PCM1: variants seen among roughly 807,000 people sequenced by gnomAD.
The protein encoded by PCM1 is pericentriolar material 1, also known as pericentriolar material 1 protein.
In PCM1, 157 loss-of-function variants were observed where a neutral mutation model predicts 241.9. That is an observed-to-expected ratio of 0.65 (90% CI 0.57 to 0.74). The LOEUF is 0.74. Among genes scored for constraint, PCM1 ranks in the 30% least tolerant of loss-of-function variants. The pLI is 0.00. For synonymous variants in PCM1, 1,085 were observed against 784.9 expected (o/e 1.38, Z -6.39); for missense variants, 3,478 against 2,360.1 (o/e 1.47, Z -9.81).
At chr8:17,926,793 G>C (rs1383295429) in intron 2 of PCM1, 2 of 152,230 alleles carry the variant, frequency 1.3e-5, no homozygotes, top group Admixed American at 6.5e-5. Context: ...GGAAGGCTAA[G>C]AGCAGTTTCA....
chr8:17,969,148 A>G (rs1005302787), intron 21 of PCM1, among the ~76,000 whole-genome samples: 1 of 152,192 alleles, frequency 6.6e-6, no homozygotes, highest in Admixed American at 6.5e-5. Flanking sequence ...CGTAGGAGTC[A>G]TACAGACCTG....
chr8:17,932,958 T>A (rs2059453796), intron 2 of PCM1, among the ~76,000 whole-genome samples: 1 of 152,212 alleles, frequency 6.6e-6, no homozygotes, highest in South Asian at 2.1e-4. Flanking sequence ...TGGTACTGGA[T>A]ATGTACCATC....
chr8:18,005,052 G>T (rs897866483), intron 29 of PCM1, among the ~76,000 whole-genome samples: 1 of 152,108 alleles, frequency 6.6e-6, no homozygotes, highest in Admixed American at 6.6e-5. Flanking sequence ...GTCTATCCAA[G>T]AGGTAAAATA....
chr8:17,972,216 C>G, intron 22 of PCM1, 113 bp from the exon 23 acceptor site: 1 of 525,404 alleles, frequency 1.9e-6, no homozygotes, highest in Non-Finnish European at 3.2e-6. Context: ...TTTTTATAGC[C>G]TGTTGACAAT....
At chr8:17,981,037 G>T (rs1262354269) in intron 24 of PCM1, among the ~76,000 whole-genome samples, 3 of 152,164 alleles carry the variant, frequency 2.0e-5, no homozygotes, top group Admixed American at 6.5e-5. Flanking sequence ...ATCTGATTAA[G>T]AATTAGATAT....
At chr8:17,932,803 G>A (rs1274132742) in intron 2 of PCM1, among the ~76,000 whole-genome samples, 1 of 152,012 alleles carries the variant, frequency 6.6e-6, no homozygotes, top group Non-Finnish European at 1.5e-5. Flanking sequence ...CTTAATTGAT[G>A]TTTAAAATTC....
rs751923330 is a variant in PCM1 at position 18,006,369 on chromosome 8, T to C, written c.4934T>C (p.Phe1645Ser). The part of the protein sequence containing the change: ...NDESKEFVKF[F>S]HKQLGSILQD... ...GAGAGCAAAGAGTTTGTAAAGTTCTTTCATAAACAACTTGGAAGTATATTA... is the reference window on the plus strand; with the variant it reads ...GAGAGCAAAGAGTTTGTAAAGTTCTCTCATAAACAACTTGGAAGTATATTA... The change falls in exon 30 of 39, where the codon TTT (phenylalanine) becomes TCT (serine). Residue 1645 changes from phenylalanine (F) to serine (S), a missense_variant. Physicochemically the swap from Phe to Ser is radical, Grantham distance 155 (BLOSUM62 -2). Transcript: ENST00000325083. 1 of 1,612,700 alleles carries C rather than the reference T, an allele frequency of 6.2e-7. No homozygotes were observed. Among genetic ancestry groups the C allele is most frequent in the South Asian group, 1.1e-5 (1 of 91,048 alleles).
chr8:17,986,074 C>T lies in PCM1; in HGVS notation c.4397C>T (p.Ala1466Val). ...GAACTTACTCCTAGTGAGAGCCTTG[C>T]TACTACTGATGATGTAAGCTGATAA... ...NSELTPSESLATTDDETFEKN... is the reference protein window; with the variant it reads ...NSELTPSESLVTTDDETFEKN... Residue 1466 changes from alanine (A) to valine (V), a missense_variant, in exon 26 of 39, where the codon GCT becomes GTT. By Grantham distance (64) the Ala-to-Val change is moderately conservative. Coordinates refer to ENST00000325083, the MANE Select transcript of PCM1 (RefSeq NM_006197.4). 3.8e-6 allele frequency: 6 copies of T among 1,580,982 alleles called. No individual in the cohort carries two copies. Among genetic ancestry groups the T allele is most frequent in the Non-Finnish European group, 5.2e-6 (6 of 1,163,852 alleles).
At chr8:17,949,234 A>G (rs1326553393) in intron 7 of PCM1, among the ~76,000 whole-genome samples, 3 of 152,148 alleles carry the variant, frequency 2.0e-5, no homozygotes, top group African/African-American at 7.2e-5. Flanking sequence ...TGCTAATGAA[A>G]AGCCATGGAA....
intron 28 of PCM1, 68 bp downstream of exon 28, chr8:17,991,768 TAGTGGTGATTTCTGAGATTTTGG>T (rs2084723541): frequency 1.7e-6 from 2 of 1,163,384 alleles, no homozygotes; most frequent in Admixed American, 2.3e-5. Flanking sequence ...ATAAGTTCTT[TAGTGGTGATTTCTGAGATTTTGG>T]TGCACCCATC....
chr8:18,014,540 A>AT (rs1192461833), intron 35 of PCM1, 44 bp from the exon 36 acceptor site: 26 of 1,498,030 alleles, frequency 1.7e-5, no homozygotes, highest in Non-Finnish European at 2.2e-5. Flanking sequence ...AAAATTTAAC[A>AT]TTTTTTGCAT....
chr8:18,018,695 T>C (rs7001850), intron 36 of PCM1, among the ~76,000 whole-genome samples: 111,930 of 150,576 alleles, frequency 0.74, 42,058 homozygotes, highest in African/African-American at 0.78. Context: ...CCTGTAGTCC[T>C]AGCTACTCAG....
rs1045757410 is a variant in PCM1, at chr8:17,960,010, T to C, written c.2041-4T>C. Reference sequence around the variant, plus strand: ...ATTGTTTTAATGTAATGATGCTCTTTCAGGATGATGATGCAGCTCAAGGAG... The same window carrying C: ...ATTGTTTTAATGTAATGATGCTCTTCCAGGATGATGATGCAGCTCAAGGAG... On this transcript the variant is annotated splice_region_variant and splice_polypyrimidine_tract_variant and intron_variant, in intron 13 of 38. Transcript: ENST00000325083. 2 of 1,612,034 alleles carry C rather than the reference T, an allele frequency of 1.2e-6. No individual in the cohort carries two copies. The highest frequency in any genetic ancestry group is 2.2e-5 in the East Asian group (1 of 44,818).
intron 25 of PCM1, 150 bp downstream of exon 25, chr8:17,985,769 A>G: frequency 2.6e-6 from 2 of 772,900 alleles, no homozygotes; most frequent in Non-Finnish European, 4.0e-6. Context: ...ATTTTTGTAT[A>G]GCTTAAGTAG....
At chr8:17,949,097 C>G (rs1586476521) in intron 7 of PCM1, among the ~76,000 whole-genome samples, 1 of 152,068 alleles carries the variant, frequency 6.6e-6, no homozygotes, top group East Asian at 1.9e-4. Context: ...TTAAAAAATA[C>G]TATTATGAGT....
intron 3 of PCM1, among the ~76,000 whole-genome samples, chr8:17,936,229 T>A (rs1323020387): frequency 6.6e-6 from 1 of 152,226 alleles, no homozygotes; most frequent in Non-Finnish European, 1.5e-5. Context: ...GATATGTGTT[T>A]CTTTTTTCAG....
chr8:17,980,957 G>A (rs2080530053), intron 24 of PCM1, among the ~76,000 whole-genome samples: 1 of 152,100 alleles, frequency 6.6e-6, no homozygotes, highest in African/African-American at 2.4e-5. Flanking sequence ...AATAGTTTTG[G>A]ACACATTTTA....
intron 3 of PCM1, among the ~76,000 whole-genome samples, chr8:17,936,530 C>T (rs448882): frequency 0.78 from 119,255 of 152,094 alleles, 47,274 homozygotes; most frequent in African/African-American, 0.86. Flanking sequence ...TTAGCTGTTA[C>T]CATGTACATT....
At position 18,011,770 on chromosome 8, in the gene PCM1, C is replaced by G. The variant is rs535065751; in HGVS notation, c.5454C>G (p.Val1818=). ...AATTTGAAGAAGGCCCTGTGGATGT[C>G]CAGACTTCCCTCCAGGCTAACACTG... ...MEEFEEGPVD[V]QTSLQANTEA... The change falls in exon 34 of 39, where the codon GTC becomes GTG. Residue 1818 remains valine, a synonymous_variant. Coordinates refer to ENST00000325083, the MANE Select transcript of PCM1 (RefSeq NM_006197.4). The G allele has an allele frequency of 4.4e-5, 71 of 1,613,674 alleles. 2 individuals carry two copies. In the South Asian group the frequency reaches 7.6e-4, roughly 17 times the overall value.
Sources: gnomAD v4.1 joint callset for allele counts (sites outside exome capture counted in the v4.1 genomes callset) on GRCh38, gnomAD v4.1.1 for gene constraint, MANE v1.5 for transcripts, NCBI Gene and HGNC (gene_info 2026-07-23, HGNC 2026-07-21) for gene names.